LAMA1: variants seen among roughly 807,000 people sequenced by gnomAD.
LAMA1 encodes laminin subunit alpha 1.
LAMA1 carries 219 observed loss-of-function variants against 348.7 expected under a neutral mutation model. The ratio of observed to expected loss-of-function variants is 0.63; its 90% CI spans 0.56 to 0.70. LAMA1 has a LOEUF of 0.70. LAMA1 is among the 30% of genes least tolerant of loss of function. The pLI is 0.00. For missense variants in LAMA1, 3,744 were observed against 3,888.0 expected (o/e 0.96, Z 0.99); for synonymous variants, 1,487 against 1,491.0 (o/e 1.00, Z 0.06).
intron 60 of LAMA1, 113 bp from the exon 61 acceptor site, chr18:6,947,409 C>T: frequency 2.4e-6 from 3 of 1,243,318 alleles, no homozygotes; most frequent in Non-Finnish European, 3.5e-6. Context: ...CCTTTGGATC[C>T]AGCTGCATCC....
chr18:6,966,014 C>T (rs2144017973), intron 49 of LAMA1, 133 bp downstream of exon 49: 3 of 892,556 alleles, frequency 3.4e-6, no homozygotes, highest in Non-Finnish European at 5.3e-6. Flanking sequence ...TTAATACTAG[C>T]ATATGCTCAT....
chr18:7,091,617 T>A (rs1402018488), intron 1 of LAMA1, among the ~76,000 whole-genome samples: 1 of 152,248 alleles, frequency 6.6e-6, no homozygotes. Flanking sequence ...AACTTTAGCA[T>A]CCTTGTTTCA....
At chr18:6,954,069 C>T (rs1229934212) in intron 57 of LAMA1, 1 of 152,320 alleles carries the variant, frequency 6.6e-6, no homozygotes, top group Non-Finnish European at 1.5e-5. Context: ...GACTGCGGTG[C>T]ACAGGGCTCT....
intron 3 of LAMA1, among the ~76,000 whole-genome samples, chr18:7,063,240 T>C (rs771307544): frequency 1.2e-4 from 19 of 152,246 alleles, no homozygotes; most frequent in Admixed American, 3.3e-4. Flanking sequence ...GTCTATATTC[T>C]ACTTGAAGAT....
Position 6,995,409 on chromosome 18 carries a change from C to G in LAMA1, c.4844G>C (p.Gly1615Ala). 1 of 1,612,890 alleles carries G rather than the reference C, an allele frequency of 6.2e-7. No homozygotes were observed. Among genetic ancestry groups the G allele is most frequent in the Non-Finnish European group, 8.5e-7 (1 of 1,178,866 alleles). The change falls in exon 34 of 63, where the codon GGA becomes GCA. Residue 1615 changes from glycine (G) to alanine (A), a missense_variant. Around this residue, in one of 3 missense-constraint regions of LAMA1, gnomAD observed 1,983 missense variants for 1,934.3 expected, o/e 1.03. Coordinates refer to ENST00000389658, the MANE Select transcript of LAMA1 (RefSeq NM_005559.4). ...LLKENMQKDL[G>A]KIKLEGVAEE... The stretch of plus-strand genomic sequence containing the variant: ...TGCAACACCTTCAAGCTTAATTTTT[C>G]CCAGGTCCTTTTGCATATTTTCTTT...
Position 7,093,348 on chromosome 18 carries a change from G to A in LAMA1, c.62-12891C>T, listed in dbSNP as rs561672546. Among the ~76,000 whole-genome samples the A allele has an allele frequency of 2.6e-5, 4 of 152,210 alleles. No individual in the cohort carries two copies. In the South Asian group the frequency reaches 8.3e-4, roughly 32 times the overall value. ...GGAGAATGGCATGAACCCGGGAGGT[G>A]GAGCTTGCAGTGATCCAAGATCGCG... On this transcript the variant is annotated intron_variant, in intron 1 of 62. Coordinates refer to ENST00000389658, the MANE Select transcript of LAMA1 (RefSeq NM_005559.4).
chr18:6,959,459 T>C lies in LAMA1; in HGVS notation c.7660A>G (p.Ile2554Val), dbSNP rs2057597154. The C allele has an allele frequency of 1.9e-6, 3 of 1,614,206 alleles. No individual in the cohort carries two copies. The highest frequency in any genetic ancestry group is 2.5e-6 in the Non-Finnish European group (3 of 1,180,048). ...TCCCCAGGATTGACATGTACCTCAATGTTGCCTCCGATCAGCATGACGGAA... is the reference window on the plus strand; with the variant it reads ...TCCCCAGGATTGACATGTACCTCAACGTTGCCTCCGATCAGCATGACGGAA... ...FFSVMLIGGNIEVHVNPGDGT... is the reference protein window; with the variant it reads ...FFSVMLIGGNVEVHVNPGDGT... The change falls in exon 54 of 63, where the codon ATT (isoleucine) becomes GTT (valine). Residue 2554 changes from isoleucine (I) to valine (V), a missense_variant. Transcript: ENST00000389658.
chr18:7,048,819 C>A (rs2058051652), intron 5 of LAMA1, among the ~76,000 whole-genome samples: 1 of 152,104 alleles, frequency 6.6e-6, no homozygotes, highest in South Asian at 2.1e-4. Context: ...AGAACAAAGA[C>A]CATGGCATTC....
intron 1 of LAMA1, among the ~76,000 whole-genome samples, chr18:7,084,830 A>G (rs955924043): frequency 6.6e-6 from 1 of 152,216 alleles, no homozygotes; most frequent in Non-Finnish European, 1.5e-5. Flanking sequence ...ATAGTTTATA[A>G]TTCATTTTTA....
At chr18:7,106,733 C>T (rs1029157438) in intron 1 of LAMA1, among the ~76,000 whole-genome samples, 2 of 151,916 alleles carry the variant, frequency 1.3e-5, no homozygotes, top group Non-Finnish European at 2.9e-5. Flanking sequence ...GGGAGTAAGA[C>T]CTGGGTATTG....
intron 3 of LAMA1, among the ~76,000 whole-genome samples, chr18:7,070,904 CAA>C (rs11455370): frequency 0.054 from 6,831 of 127,392 alleles, 493 homozygotes; most frequent in African/African-American, 0.18. Context: ...GCTTCTTGAT[CAA>C]AAAAAAAAAA....
chr18:7,071,615 A>T (rs189330801), intron 3 of LAMA1, among the ~76,000 whole-genome samples: 25 of 152,394 alleles, frequency 1.6e-4, no homozygotes, highest in Admixed American at 1.6e-3. Context: ...GAAACTATTA[A>T]TGCAGCTTTA....
At chr18:6,969,258 T>C (rs1479713844) in intron 48 of LAMA1, among the ~76,000 whole-genome samples, 1 of 152,004 alleles carries the variant, frequency 6.6e-6, no homozygotes, top group African/African-American at 2.4e-5. Context: ...CACGCCACCA[T>C]GCCTGGCTAA....
chr18:7,094,001 T>TCCTAAGCTCAGA (rs2058250483), intron 1 of LAMA1, among the ~76,000 whole-genome samples: 1 of 151,772 alleles, frequency 6.6e-6, no homozygotes, highest in Non-Finnish European at 1.5e-5. Flanking sequence ...TGTCTCAATC[T>TCCTAAGCTCAGA]CCTAAGCTCA....
At chr18:6,982,716 C>T in intron 40 of LAMA1, 126 bp from the exon 41 acceptor site, 1 of 807,708 alleles carries the variant, frequency 1.2e-6, no homozygotes, top group South Asian at 1.4e-5. Flanking sequence ...AGCCAGGTAC[C>T]AGGTAGGGAC....
intron 48 of LAMA1, among the ~76,000 whole-genome samples, chr18:6,971,352 T>A (rs1255631583): frequency 1.3e-5 from 2 of 152,198 alleles, no homozygotes; most frequent in Non-Finnish European, 2.9e-5. Flanking sequence ...TGGTTCGGAA[T>A]TGGAAAGTAC....
rs1422009646 is a variant in LAMA1, at chr18:6,943,290, T to A, written c.8957A>T (p.Lys2986Ile). 6.2e-7 allele frequency: 1 copy of A among 1,614,090 alleles called. No homozygotes were observed. Among genetic ancestry groups the A allele is most frequent in the East Asian group, 2.2e-5 (1 of 44,886 alleles). Residue 2986 changes from lysine (K) to isoleucine (I), a missense_variant, in exon 62 of 63, where the codon AAA becomes ATA. Transcript: ENST00000389658. ...KWHTLQANKS[K>I]HRITLIVDGN... is the part of the protein sequence containing the mutation. ...GTCAACAATCAGAGTGATACGGTGTTTGCTTTTGTTAGCTTGAAGAGTGTG... is the reference window on the plus strand; with the variant it reads ...GTCAACAATCAGAGTGATACGGTGTATGCTTTTGTTAGCTTGAAGAGTGTG...
chr18:7,104,683 T>C (rs894037210), intron 1 of LAMA1, among the ~76,000 whole-genome samples: 5 of 152,190 alleles, frequency 3.3e-5, no homozygotes, highest in South Asian at 2.1e-4. Flanking sequence ...TGAGATGCCA[T>C]TGAAGCAATT....
intron 5 of LAMA1, 25 bp from the exon 6 acceptor site, chr18:7,046,392 A>G: frequency 7.3e-7 from 1 of 1,377,034 alleles, no homozygotes. Context: ...AGTTATGAAC[A>G]AAAATTAAAA....
Sources: allele counts gnomAD v4.1 joint callset (sites outside exome capture counted in the v4.1 genomes callset), GRCh38; gene constraint gnomAD v4.1.1; regional missense constraint gnomAD v4.1.1; transcripts MANE v1.5; gene names NCBI Gene and HGNC (gene_info 2026-07-23, HGNC 2026-07-21).